Variants in IRAG2 observed in about 807,000 individuals in gnomAD.
IRAG2 encodes the protein lymphoid restricted membrane protein.
IRAG2 carries 45 observed loss-of-function variants against 69.9 expected under a neutral mutation model. That is an observed-to-expected ratio of 0.64 (90% CI 0.51 to 0.83). The LOEUF is 0.83. Ranked by LOEUF, IRAG2 falls within the 40% of genes least tolerant of loss-of-function variation. IRAG2 has a pLI of 0.00. For missense variants in IRAG2, 520 were observed against 587.0 expected, an observed-to-expected ratio of 0.89 and a Z score of 1.18; for synonymous variants, 193 against 202.4, an observed-to-expected ratio of 0.95 and a Z score of 0.40.
intron 15 of IRAG2, among the ~76,000 whole-genome samples, chr12:25,099,032 T>G (rs1199187109): frequency 2.0e-5 from 3 of 152,140 alleles, no homozygotes; most frequent in African/African-American, 7.2e-5. Context: ...GTTCTACCCC[T>G]TCTCCTGGAC....
chr12:25,015,648 C>G (rs1233497145), intron 5 of IRAG2, among the ~76,000 whole-genome samples: 6 of 152,214 alleles, frequency 3.9e-5, no homozygotes, highest in Non-Finnish European at 8.8e-5. Flanking sequence ...TCCAAAATCA[C>G]TTGCTCTCTC....
chr12:25,027,810 C>T (rs73078105), intron 9 of IRAG2, among the ~76,000 whole-genome samples: 2,960 of 152,190 alleles, frequency 0.019, 30 homozygotes, highest in Non-Finnish European at 0.029. Flanking sequence ...TATTATGAAT[C>T]GTCTGCTATG....
chr12:25,075,614 C>T (rs1265388252), intron 6 of IRAG2: 1 of 150,478 alleles, frequency 6.6e-6, no homozygotes, highest in Non-Finnish European at 1.5e-5. Flanking sequence ...TTCATTTTTT[C>T]CATGAGTACT....
intron 1 of IRAG2, among the ~76,000 whole-genome samples, chr12:25,053,931 T>C (rs2139898645): frequency 6.6e-6 from 1 of 152,154 alleles, no homozygotes; most frequent in Middle Eastern, 3.4e-3. Context: ...AATAGTCTAG[T>C]TTTAAAATAG....
At chr12:25,021,316 T>C (rs2139835615) in intron 7 of IRAG2, among the ~76,000 whole-genome samples, 1 of 152,180 alleles carries the variant, frequency 6.6e-6, no homozygotes, top group East Asian at 1.9e-4. Context: ...CTCAGTCACA[T>C]TCACAATAGT....
At chr12:25,044,103 T>A (rs897912851) in intron 16 of IRAG2, among the ~76,000 whole-genome samples, 13 of 152,160 alleles carry the variant, frequency 8.5e-5, no homozygotes, top group African/African-American at 1.2e-4. Context: ...TTATGATACA[T>A]AACTAAAAAT....
chr12:25,100,189 A>C (rs1480439645), intron 15 of IRAG2, among the ~76,000 whole-genome samples: 1 of 151,892 alleles, frequency 6.6e-6, no homozygotes, highest in African/African-American at 2.4e-5. Context: ...TGAAAGAAGA[A>C]AGGAAGTAAG....
At chr12:25,035,422 GTCA>G in intron 13 of IRAG2, 1 of 348,134 alleles carries the variant, frequency 2.9e-6, no homozygotes, top group Non-Finnish European at 5.1e-6. Context: ...GCATGTAAAT[GTCA>G]TCTATTGATA....
At chr12:25,030,645 C>T (rs1449924062) in intron 10 of IRAG2, among the ~76,000 whole-genome samples, 1 of 152,224 alleles carries the variant, frequency 6.6e-6, no homozygotes, top group Non-Finnish European at 1.5e-5. Context: ...CCTCAGCCTC[C>T]TGAAGTGCTG....
chr12:25,006,472 C>G (rs1944431006), intron 2 of IRAG2: 1 of 152,124 alleles, frequency 6.6e-6, no homozygotes, highest in Admixed American at 6.5e-5. Flanking sequence ...GGAATCAACC[C>G]AAATGACCAT....
intron 10 of IRAG2, chr12:25,031,050 C>G (rs1178426535): frequency 3.0e-6 from 3 of 985,356 alleles, no homozygotes; most frequent in Non-Finnish European, 3.6e-6. Context: ...TTAAGAGACA[C>G]AGGAAGGAAC....
chr12:25,077,209 G>GAA (rs1555138995), intron 6 of IRAG2, among the ~76,000 whole-genome samples: 4 of 33,722 alleles, frequency 1.2e-4, no homozygotes, highest in East Asian at 1.2e-3. Flanking sequence ...ATATATATAT[G>GAA]ATATATATGA....
At chr12:25,087,070 C>T (rs192442989) in intron 10 of IRAG2, among the ~76,000 whole-genome samples, 1 of 151,794 alleles carries the variant, frequency 6.6e-6, no homozygotes, top group African/African-American at 2.4e-5. Context: ...CCAGTCCTAC[C>T]TCTTCATCAA....
chr12:25,093,814 T>G (rs1948233689), intron 14 of IRAG2: 1 of 154,008 alleles, frequency 6.5e-6, no homozygotes, highest in Admixed American at 6.5e-5. Flanking sequence ...CAGCTTTATC[T>G]TTCACAGGAT....
At chr12:25,032,860 T>A (rs545027910) in intron 12 of IRAG2, among the ~76,000 whole-genome samples, 58 of 152,314 alleles carry the variant, frequency 3.8e-4, no homozygotes, top group African/African-American at 1.4e-3. Context: ...AGGAATTCAA[T>A]ATATGAAATA....
chr12:25,065,133 G>A (rs1945892533), intron 4 of IRAG2, among the ~76,000 whole-genome samples: 2 of 151,216 alleles, frequency 1.3e-5, no homozygotes, highest in Non-Finnish European at 2.9e-5. Context: ...CTATGTGCCA[G>A]ACACAGTTCT....
intron 7 of IRAG2, among the ~76,000 whole-genome samples, chr12:25,022,005 T>C (rs1944584945): frequency 6.6e-6 from 1 of 152,194 alleles, no homozygotes; most frequent in African/African-American, 2.4e-5. Context: ...GAGCCCACGC[T>C]TGGGAGTCAG....
chr12:25,101,853 T>C (rs1043364938), intron 16 of IRAG2: 14 of 503,040 alleles, frequency 2.8e-5, no homozygotes, highest in Non-Finnish European at 5.3e-5. Flanking sequence ...AGCAGAATTC[T>C]TATTTCAAGA....
chr12:25,012,430 C>T (rs1944484150), intron 3 of IRAG2, among the ~76,000 whole-genome samples: 1 of 149,940 alleles, frequency 6.7e-6, no homozygotes. Context: ...GCTGGGATTA[C>T]AGGTGTGAGC....
Sources: allele counts gnomAD v4.1 joint callset (sites outside exome capture counted in the v4.1 genomes callset), GRCh38; gene constraint gnomAD v4.1.1; transcripts MANE v1.5; gene names NCBI Gene and HGNC (gene_info 2026-07-23, HGNC 2026-07-21).